Variants in NRG3 observed in about 807,000 individuals in gnomAD.
NRG3 encodes the protein pro-neuregulin-3, membrane-bound isoform.
NRG3 carries 31 observed loss-of-function variants against 66.9 expected under a neutral mutation model. The observed-to-expected ratio is 0.46, with a 90% confidence interval of 0.35 to 0.63. The LOEUF is 0.63. Ranked by LOEUF, NRG3 falls within the 20% of genes least tolerant of loss-of-function variation. NRG3 has a pLI of 0.00. For missense variants in NRG3, 910 were observed against 878.9 expected (o/e 1.04, Z -0.45); for synonymous variants, 393 against 359.4 (o/e 1.09, Z -1.06).
At chr10:82,531,661 CAG>C (rs552125604) in intron 2 of NRG3, among the ~76,000 whole-genome samples, 109 of 151,956 alleles carry the variant, frequency 7.2e-4, no homozygotes, top group African/African-American at 2.4e-3. Context: ...ATAATAATGA[CAG>C]AGTGTTCTGT....
chr10:82,519,183 C>T (rs1845967569), intron 2 of NRG3, among the ~76,000 whole-genome samples: 1 of 152,202 alleles, frequency 6.6e-6, no homozygotes, highest in Non-Finnish European at 1.5e-5. Context: ...TCATCCCATG[C>T]TCCTTGATTG....
At chr10:82,340,489 C>G (rs991461407) in intron 1 of NRG3, among the ~76,000 whole-genome samples, 4 of 151,990 alleles carry the variant, frequency 2.6e-5, no homozygotes, top group Non-Finnish European at 5.9e-5. Flanking sequence ...TATCTGAACA[C>G]TAGAATAAAT....
intron 6 of NRG3, among the ~76,000 whole-genome samples, chr10:82,970,824 TTA>T (rs1175872120): frequency 6.6e-6 from 1 of 152,226 alleles, no homozygotes; most frequent in African/African-American, 2.4e-5. Flanking sequence ...CCATATAGTT[TTA>T]TAAAGGTTTT....
At chr10:82,670,034 T>C (rs1184514341) in intron 2 of NRG3, among the ~76,000 whole-genome samples, 1 of 152,194 alleles carries the variant, frequency 6.6e-6, no homozygotes, top group Non-Finnish European at 1.5e-5. Context: ...AGAATCATTT[T>C]GTTTAGACCA....
At chr10:82,907,771 A>T (rs1844895895) in intron 4 of NRG3, among the ~76,000 whole-genome samples, 1 of 152,210 alleles carries the variant, frequency 6.6e-6, no homozygotes, top group Non-Finnish European at 1.5e-5. Context: ...ATGCATAGGT[A>T]CTGTATATAA....
chr10:82,037,598 AAC>A (rs1299162137), intron 1 of NRG3, among the ~76,000 whole-genome samples: 1 of 152,158 alleles, frequency 6.6e-6, no homozygotes, highest in Non-Finnish European at 1.5e-5. Context: ...TGGTCTTTTA[AAC>A]AGGTCTAACA....
chr10:82,359,920 A>AAG (rs1217433549), intron 2 of NRG3, among the ~76,000 whole-genome samples: 2 of 152,196 alleles, frequency 1.3e-5, no homozygotes, highest in African/African-American at 4.8e-5. Context: ...GCCTGGATCC[A>AAG]AGAGCCAGGT....
chr10:82,492,406 A>G (rs1259980093), intron 2 of NRG3, among the ~76,000 whole-genome samples: 13 of 152,222 alleles, frequency 8.5e-5, no homozygotes, highest in Non-Finnish European at 1.8e-4. Flanking sequence ...ATTTAAATGA[A>G]AATTAAGTAA....
intron 1 of NRG3, among the ~76,000 whole-genome samples, chr10:81,895,885 C>G (rs1259312333): frequency 6.6e-6 from 1 of 152,134 alleles, no homozygotes; most frequent in Non-Finnish European, 1.5e-5. Context: ...AGATTAATAA[C>G]TGACACATTG....
intron 2 of NRG3, among the ~76,000 whole-genome samples, chr10:82,709,208 A>C (rs991067946): frequency 6.6e-6 from 1 of 152,168 alleles, no homozygotes; most frequent in Admixed American, 6.5e-5. Context: ...TTCTATTCAC[A>C]CTAGCCAATT....
chr10:82,697,642 C>A (rs1006004682), intron 2 of NRG3, among the ~76,000 whole-genome samples: 6 of 152,116 alleles, frequency 3.9e-5, no homozygotes, highest in Non-Finnish European at 8.8e-5. Context: ...TGTGGGTACT[C>A]CAACAGCACG....
At chr10:82,930,405 A>T (rs879546566) in intron 4 of NRG3, among the ~76,000 whole-genome samples, 1 of 152,234 alleles carries the variant, frequency 6.6e-6, no homozygotes, top group African/African-American at 2.4e-5. Flanking sequence ...CACTTCAGGG[A>T]TAACGATAAA....
At chr10:82,348,270 C>CA (rs1359034927) in intron 1 of NRG3, among the ~76,000 whole-genome samples, 2 of 151,970 alleles carry the variant, frequency 1.3e-5, no homozygotes, top group African/African-American at 4.8e-5. Flanking sequence ...CTGGTGGTGA[C>CA]AAAATCTCTC....
chr10:82,466,851 G>A (rs1057182271), intron 2 of NRG3, among the ~76,000 whole-genome samples: 1 of 151,528 alleles, frequency 6.6e-6, no homozygotes. Flanking sequence ...GTGAGGACAG[G>A]CAAGGGGAAG....
chr10:82,020,667 T>C (rs1005613431), intron 1 of NRG3, among the ~76,000 whole-genome samples: 1 of 152,138 alleles, frequency 6.6e-6, no homozygotes, highest in Admixed American at 6.6e-5. Flanking sequence ...CTTGCTCAAG[T>C]TCCCAAGAAT....
chr10:81,928,614 C>A (rs1847042231), intron 1 of NRG3, among the ~76,000 whole-genome samples: 1 of 152,138 alleles, frequency 6.6e-6, no homozygotes, highest in Non-Finnish European at 1.5e-5. Context: ...GCCCTCCCTG[C>A]CCTACCCTTA....
At chr10:82,798,142 C>A (rs7924091) in intron 3 of NRG3, among the ~76,000 whole-genome samples, 6,325 of 151,778 alleles carry the variant, frequency 0.042, 480 homozygotes, top group African/African-American at 0.14. Context: ...ACTCACAGTA[C>A]CTTGTACCCT....
chr10:82,606,849 AC>A (rs1037653506), intron 2 of NRG3, among the ~76,000 whole-genome samples: 1 of 151,600 alleles, frequency 6.6e-6, no homozygotes, highest in Non-Finnish European at 1.5e-5. Flanking sequence ...CAATCTGAAA[AC>A]CCCCACCAAG....
intron 2 of NRG3, among the ~76,000 whole-genome samples, chr10:82,555,356 C>T (rs949483558): frequency 6.6e-6 from 1 of 152,136 alleles, no homozygotes; most frequent in African/African-American, 2.4e-5. Flanking sequence ...GAGAAAACCT[C>T]TTAAACAGAA....
Sources: gnomAD v4.1 joint callset for allele counts (sites outside exome capture counted in the v4.1 genomes callset) on GRCh38, gnomAD v4.1.1 for gene constraint, MANE v1.5 for transcripts, NCBI Gene and HGNC (gene_info 2026-07-23, HGNC 2026-07-21) for gene names.